LHFPL2: variants seen among roughly 807,000 people sequenced by gnomAD.
LHFPL2 encodes the protein LHFPL tetraspan subfamily member 2 protein.
A neutral mutation model predicts 17.5 loss-of-function variants in LHFPL2; 7 were observed. The ratio of observed to expected loss-of-function variants is 0.40; its 90% CI spans 0.23 to 0.75. The LOEUF (loss-of-function observed/expected upper bound fraction) is 0.75, where lower values mean the gene tolerates loss of function less well. Among genes scored for constraint, LHFPL2 ranks in the 30% least tolerant of loss-of-function variants. The pLI is 0.37. For missense variants in LHFPL2, 241 were observed against 294.8 expected (o/e 0.82, Z 1.34); for synonymous variants, 134 against 116.2 (o/e 1.15, Z -0.99).
intron 2 of LHFPL2, among the ~76,000 whole-genome samples, chr5:78,599,269 G>GA (rs1233130268): frequency 6.6e-6 from 1 of 152,086 alleles, no homozygotes; most frequent in Non-Finnish European, 1.5e-5. Flanking sequence ...TCCCAAGATT[G>GA]AAAGCGAAGA....
rs148433657 is a variant in LHFPL2, at chr5:78,561,410, G to A, written c.-186+3403C>T. On this transcript the variant is annotated intron_variant, in intron 3 of 4. Coordinates refer to ENST00000380345, the MANE Select transcript of LHFPL2 (RefSeq NM_005779.3). ...TATAGCGCTTTCACTTTGCCCCTTC[G>A]GCTAGAATTCCCCTAGATGGGAAGA... 3.8e-3 allele frequency among the ~76,000 whole-genome samples: 579 copies of A among 152,242 alleles called. 4 individuals carry two copies. Among genetic ancestry groups the A allele is most frequent in the African/African-American group, 0.013 (556 of 41,528 alleles).
At chr5:78,500,056 C>T (rs571216429) in intron 4 of LHFPL2, among the ~76,000 whole-genome samples, 3 of 150,472 alleles carry the variant, frequency 2.0e-5, no homozygotes, top group East Asian at 1.9e-4. Context: ...AATCAACTGA[C>T]GACTTAGTTT....
intron 2 of LHFPL2, among the ~76,000 whole-genome samples, chr5:78,624,531 G>C (rs947927210): frequency 6.6e-6 from 1 of 152,214 alleles, no homozygotes; most frequent in Non-Finnish European, 1.5e-5. Context: ...GTGGGCAGAT[G>C]AAACCTAGCA....
chr5:78,500,937 T>C (rs940778154), intron 4 of LHFPL2, among the ~76,000 whole-genome samples: 1 of 152,160 alleles, frequency 6.6e-6, no homozygotes, highest in Non-Finnish European at 1.5e-5. Flanking sequence ...CACCTATAAA[T>C]TTACAGCTGG....
At chr5:78,594,771 C>A (rs552169098) in intron 2 of LHFPL2, among the ~76,000 whole-genome samples, 7 of 152,336 alleles carry the variant, frequency 4.6e-5, no homozygotes, top group Non-Finnish European at 1.0e-4. Context: ...GGTAAAAAAA[C>A]TTGACATTTT....
intron 3 of LHFPL2, among the ~76,000 whole-genome samples, chr5:78,559,849 G>GCCAC (rs1247550809): frequency 2.0e-5 from 3 of 152,134 alleles, no homozygotes; most frequent in Non-Finnish European, 2.9e-5. Context: ...GCAAGGAAAA[G>GCCAC]CCACCTTTCT....
In LHFPL2 at chr5:78,555,256, G is replaced by C. The variant is rs185619100; in HGVS notation, c.-186+9557C>G. On this transcript the variant is annotated intron_variant, in intron 3 of 4. Transcript: ENST00000380345. ...CATGTTTTGATTTAAACCAAGCAAG[G>C]AGGTAAAAACTTAATTTCTATAAAT... 6.3e-3 allele frequency among the ~76,000 whole-genome samples: 965 copies of C among 152,290 alleles called. 5 individuals carry two copies. Among genetic ancestry groups the C allele is most frequent in the Admixed American group, 0.01 (157 of 15,298 alleles).
intron 2 of LHFPL2, among the ~76,000 whole-genome samples, chr5:78,592,711 T>C (rs1345029122): frequency 2.4e-5 from 1 of 42,036 alleles, no homozygotes; most frequent in African/African-American, 1.2e-4. Flanking sequence ...CTCTTCAACT[T>C]AGTGAAAAAT....
chr5:78,641,364 G>A (rs1371837468), intron 1 of LHFPL2, among the ~76,000 whole-genome samples: 1 of 152,222 alleles, frequency 6.6e-6, no homozygotes, highest in East Asian at 1.9e-4. Context: ...CATGCTCTGT[G>A]CTTAAGGCAC....
intron 3 of LHFPL2, among the ~76,000 whole-genome samples, chr5:78,537,012 T>C (rs764192311): frequency 2.6e-5 from 4 of 152,340 alleles, no homozygotes; most frequent in Non-Finnish European, 4.4e-5. Context: ...ACCAGCAGCG[T>C]TGGTGGCACC....
chr5:78,492,078 G>A (rs1341710648), intron 4 of LHFPL2, among the ~76,000 whole-genome samples: 1 of 152,120 alleles, frequency 6.6e-6, no homozygotes, highest in Non-Finnish European at 1.5e-5. Context: ...AGGTATGATG[G>A]GGATGTTAAT....
chr5:78,615,726 G>A (rs151218116), intron 2 of LHFPL2, among the ~76,000 whole-genome samples: 2 of 152,278 alleles, frequency 1.3e-5, no homozygotes, highest in South Asian at 2.1e-4. Context: ...GCTGGGACTA[G>A]TAAGAACCTA....
rs149300770 is a variant in LHFPL2, at chr5:78,553,806, G to A, written c.-186+11007C>T. 1.1e-4 allele frequency among the ~76,000 whole-genome samples: 16 copies of A among 152,286 alleles called. No homozygotes were observed. In the East Asian group the frequency reaches 1.2e-3, roughly 11 times the overall value. On this transcript the variant is annotated intron_variant, in intron 3 of 4. Coordinates refer to ENST00000380345, the MANE Select transcript of LHFPL2 (RefSeq NM_005779.3). ...GATCTGACTACATGGAAAAAATACC[G>A]TAATTTCCTTGTGGACCTAGTTATA...
At chr5:78,586,720 T>C (rs1743418781) in intron 2 of LHFPL2, among the ~76,000 whole-genome samples, 1 of 152,112 alleles carries the variant, frequency 6.6e-6, no homozygotes, top group African/African-American at 2.4e-5. Context: ...CCGGTTTTTA[T>C]AGGGGGGAAA....
intron 4 of LHFPL2, among the ~76,000 whole-genome samples, chr5:78,489,427 AC>A (rs1237258345): frequency 9.2e-5 from 14 of 152,202 alleles, no homozygotes; most frequent in African/African-American, 3.1e-4. Flanking sequence ...TCTTCTTAAG[AC>A]AGAGTCTCAA....
At chr5:78,535,702 G>A (rs1035697642) in intron 3 of LHFPL2, among the ~76,000 whole-genome samples, 12 of 152,150 alleles carry the variant, frequency 7.9e-5, no homozygotes, top group African/African-American at 1.2e-4. Flanking sequence ...GGCTGGGGGC[G>A]CCTCTGGAGC....
intron 2 of LHFPL2, among the ~76,000 whole-genome samples, chr5:78,575,517 C>A (rs921891676): frequency 1.3e-5 from 2 of 152,008 alleles, no homozygotes; most frequent in Admixed American, 6.6e-5. Context: ...CCACTGCACT[C>A]CAGCCTGGTG....
intron 1 of LHFPL2, chr5:78,644,671 A>T (rs1331794133): frequency 3.2e-6 from 1 of 308,048 alleles, no homozygotes. Context: ...CATGTCTTCA[A>T]ATCTCACTTT....
chr5:78,568,324 A>C (rs1218562729), intron 2 of LHFPL2, among the ~76,000 whole-genome samples: 4 of 152,196 alleles, frequency 2.6e-5, no homozygotes, highest in Non-Finnish European at 5.9e-5. Context: ...TAAGGAGTTA[A>C]AAAGTCTTCG....
Sources: allele counts gnomAD v4.1 joint callset (sites outside exome capture counted in the v4.1 genomes callset), GRCh38; gene constraint gnomAD v4.1.1; transcripts MANE v1.5; gene names NCBI Gene and HGNC (gene_info 2026-07-23, HGNC 2026-07-21).